DYRK1A: variants seen among roughly 807,000 people sequenced by gnomAD.
The protein encoded by DYRK1A is dual specificity tyrosine-phosphorylation-regulated kinase 1A.
A neutral mutation model predicts 79.7 loss-of-function variants in DYRK1A; 9 were observed. The ratio of observed to expected loss-of-function variants is 0.11; its 90% CI spans 0.07 to 0.20. The LOEUF (loss-of-function observed/expected upper bound fraction) is 0.20, where lower values mean the gene tolerates loss of function less well. Ranked by LOEUF, DYRK1A falls within the 10% of genes least tolerant of loss-of-function variation. The probability of loss-of-function intolerance (pLI) is 1.00; values close to 1 mark genes in which losing one functional copy is unlikely to be tolerated. For missense variants in DYRK1A, 622 were observed against 956.0 expected, an observed-to-expected ratio of 0.65 and a Z score of 4.61; for synonymous variants, 349 against 329.7, an observed-to-expected ratio of 1.06 and a Z score of -0.63.
At chr21:37,427,598 TTTTG>T (rs2050662676) in intron 2 of DYRK1A, among the ~76,000 whole-genome samples, 2 of 152,208 alleles carry the variant, frequency 1.3e-5, no homozygotes, top group East Asian at 1.9e-4. Context: ...TTATCGTGTT[TTTTG>T]TTTGTTTTTT....
chr21:37,454,056 TTGTC>T (rs996560667), intron 2 of DYRK1A, among the ~76,000 whole-genome samples: 2 of 150,214 alleles, frequency 1.3e-5, no homozygotes, highest in Non-Finnish European at 3.0e-5. Context: ...ATCTCCTACA[TTGTC>T]TTTCATATTA....
rs1601351027 is a variant in DYRK1A, at chr21:37,523,902, A to C, written c.*11371A>C. 6.6e-6 allele frequency: 1 copy of C among 152,210 alleles called. No individual in the cohort carries two copies. The highest frequency in any genetic ancestry group is 1.9e-4 in the East Asian group (1 of 5,206). The allele number at this position is 152,210 out of a possible 1,614,324, so 9.4% of individuals were successfully genotyped here. ...AGACCGTATGATGAGAATATGTGGCATTCTCATCATTTTGCCCTGCCGCTC... is the reference window on the plus strand; with the variant it reads ...AGACCGTATGATGAGAATATGTGGCCTTCTCATCATTTTGCCCTGCCGCTC... On this transcript the variant is annotated 3_prime_UTR_variant, in exon 12 of 12. Coordinates refer to ENST00000647188, the MANE Select transcript of DYRK1A (RefSeq NM_001347721.2).
rs1338203551 is a variant in DYRK1A, at chr21:37,513,819, G to C, written c.*1288G>C. 1.3e-5 allele frequency: 2 copies of C among 152,408 alleles called. No individual in the cohort carries two copies. The highest frequency in any genetic ancestry group is 2.9e-5 in the Non-Finnish European group (2 of 68,012). 9.4% of individuals were successfully genotyped at this position (152,408 alleles called of 1,614,324 possible). On this transcript the variant is annotated 3_prime_UTR_variant, in exon 12 of 12. Transcript: ENST00000647188. ...TTATTTTCTTTTTTGATAATTTATT[G>C]TACCAAAGCTGTTTTTATAGCACAT...
At chr21:37,471,782 C>T (rs1240037692) in intron 2 of DYRK1A, among the ~76,000 whole-genome samples, 1 of 152,056 alleles carries the variant, frequency 6.6e-6, no homozygotes, top group Non-Finnish European at 1.5e-5. Flanking sequence ...GCGTTATGGT[C>T]GGTTGTGTTG....
intron 1 of DYRK1A, among the ~76,000 whole-genome samples, chr21:37,384,675 A>C (rs2049724921): frequency 1.3e-5 from 2 of 152,228 alleles, no homozygotes; most frequent in Admixed American, 1.3e-4. Context: ...ACTCATAATT[A>C]GGAGATCAAG....
At chr21:37,369,465 C>T (rs1285760146) in intron 1 of DYRK1A, among the ~76,000 whole-genome samples, 2 of 152,202 alleles carry the variant, frequency 1.3e-5, no homozygotes, top group African/African-American at 2.4e-5. Context: ...GGAGGATTTT[C>T]CCTGGTATAG....
At chr21:37,417,595 A>G (rs1211975771) in intron 1 of DYRK1A, among the ~76,000 whole-genome samples, 3 of 68,938 alleles carry the variant, frequency 4.4e-5, no homozygotes, top group African/African-American at 1.8e-4. Context: ...AGGTGACTTG[A>G]TTTCTCCCCA....
intron 6 of DYRK1A, chr21:37,488,961 T>C: frequency 1.4e-6 from 1 of 735,722 alleles, no homozygotes; most frequent in Non-Finnish European, 1.7e-6. Flanking sequence ...ATTCCTTTTG[T>C]TATTTTTAGT....
Position 37,406,749 on chromosome 21 carries a change from CTATATATCTA to C in DYRK1A, c.-76-13544_-76-13535del, listed in dbSNP as rs201288496. On this transcript the variant is annotated intron_variant, in intron 1 of 11. Coordinates refer to ENST00000647188, the MANE Select transcript of DYRK1A (RefSeq NM_001347721.2). ...TATCTATGTATATCTCTATATATCT[CTATATATCTA>C]TATATGTATATATCTCTATATACAT... 5.1e-3 allele frequency among the ~76,000 whole-genome samples: 756 copies of C among 147,710 alleles called. 6 individuals are homozygous for C. Among genetic ancestry groups the C allele is most frequent in the African/African-American group, 0.018 (723 of 40,468 alleles).
chr21:37,377,206 G>C (rs1324930560), intron 1 of DYRK1A, among the ~76,000 whole-genome samples: 2 of 152,052 alleles, frequency 1.3e-5, no homozygotes, highest in African/African-American at 4.8e-5. Flanking sequence ...TGCAAGCTCC[G>C]CCTCCTGGGT....
At chr21:37,377,281 G>C (rs1198262070) in intron 1 of DYRK1A, among the ~76,000 whole-genome samples, 2 of 151,900 alleles carry the variant, frequency 1.3e-5, no homozygotes, top group African/African-American at 4.8e-5. Flanking sequence ...CACCACGCCC[G>C]GCTAATTTTT....
intron 2 of DYRK1A, among the ~76,000 whole-genome samples, chr21:37,448,761 A>G (rs776864248): frequency 2.0e-5 from 3 of 152,136 alleles, no homozygotes; most frequent in Admixed American, 6.5e-5. Flanking sequence ...CAGTGGCACA[A>G]TTACGGAGCA....
chr21:37,388,101 T>TTA (rs2049797368), intron 1 of DYRK1A, among the ~76,000 whole-genome samples: 1 of 30,606 alleles, frequency 3.3e-5, no homozygotes, highest in Non-Finnish European at 7.2e-5. Context: ...TTCCCTTTGA[T>TTA]TTTTTTTTTT....
intron 6 of DYRK1A, among the ~76,000 whole-genome samples, chr21:37,489,477 A>G (rs936909442): frequency 5.9e-5 from 9 of 152,120 alleles, no homozygotes; most frequent in African/African-American, 2.2e-4. Flanking sequence ...AAGCCTCCTT[A>G]TCATCTCTTC....
At position 37,479,625 on chromosome 21, in the gene DYRK1A, T is replaced by G. The variant is rs543766058; in HGVS notation, c.301-1013T>G. ...GTTTTTGTTTTTGTTTTTTGTTTTT[T>G]TTTTTTTTTTTGGAGACAGAGTCTC... On this transcript the variant is annotated intron_variant, in intron 4 of 11. Coordinates refer to ENST00000647188, the MANE Select transcript of DYRK1A (RefSeq NM_001347721.2). Among the ~76,000 whole-genome samples the G allele has an allele frequency of 1.7e-3, 165 of 97,476 alleles. 4 individuals carry two copies. Among genetic ancestry groups the G allele is most frequent in the African/African-American group, 8.2e-3 (146 of 17,722 alleles). 63.9% of individuals were successfully genotyped at this position (97,476 alleles called of 152,430 possible).
At chr21:37,430,606 G>A (rs1219791590) in intron 2 of DYRK1A, among the ~76,000 whole-genome samples, 2 of 152,208 alleles carry the variant, frequency 1.3e-5, no homozygotes, top group African/African-American at 2.4e-5. Flanking sequence ...TGTGGGTGAG[G>A]CATGTGGACT....
intron 1 of DYRK1A, among the ~76,000 whole-genome samples, chr21:37,368,976 C>T (rs939117313): frequency 6.6e-6 from 1 of 152,068 alleles, no homozygotes; most frequent in African/African-American, 2.4e-5. Flanking sequence ...TTTCCCCCCC[C>T]AAGAAAACTA....
intron 2 of DYRK1A, among the ~76,000 whole-genome samples, chr21:37,465,228 G>A (rs765377401): frequency 6.6e-6 from 1 of 152,068 alleles, no homozygotes; most frequent in Non-Finnish European, 1.5e-5. Flanking sequence ...TACCAGAAGT[G>A]AAAAAGTTTT....
Position 37,526,200 on chromosome 21 carries a change from AC to A in DYRK1A, c.*13672del, listed in dbSNP as rs2053966750. 1 of 152,186 alleles carries A rather than the reference AC, an allele frequency of 6.6e-6. No individual in the cohort carries two copies. The allele number at this position is 152,186 out of a possible 1,614,324, so 9.4% of individuals were successfully genotyped here. ...CAGTGTGTTAGGGACCTCAATGCAA[AC>A]CCAAAAGAAATTTTTATATTTCAGA... On this transcript the variant is annotated 3_prime_UTR_variant, in exon 12 of 12. Coordinates refer to ENST00000647188, the MANE Select transcript of DYRK1A (RefSeq NM_001347721.2).
Sources: gnomAD v4.1 joint callset for allele counts (sites outside exome capture counted in the v4.1 genomes callset) on GRCh38, gnomAD v4.1.1 for gene constraint, MANE v1.5 for transcripts, NCBI Gene and HGNC (gene_info 2026-07-23, HGNC 2026-07-21) for gene names.